Variants in PSMB9 observed in about 807,000 individuals in gnomAD.
PSMB9 encodes proteasome subunit beta type-9.
A neutral mutation model predicts 26.9 loss-of-function variants in PSMB9; 16 were observed. The observed-to-expected ratio is 0.59, with a 90% CI of 0.40 to 0.90. The LOEUF is 0.90. Ranked by LOEUF, PSMB9 falls within the 40% of genes least tolerant of loss-of-function variation. The pLI, the probability that PSMB9 is intolerant of heterozygous loss-of-function variation, is 0.00. For missense variants in PSMB9, 253 were observed against 292.2 expected, an observed-to-expected ratio of 0.87 and a Z score of 0.98; for synonymous variants, 91 against 112.0, an observed-to-expected ratio of 0.81 and a Z score of 1.18.
rs766830686 is a variant in PSMB9 at position 32,857,955 on chromosome 6, A to G, written c.261-50A>G. 1.4e-4 allele frequency: 226 copies of G among 1,609,784 alleles called. 1 individual carries two copies. The highest frequency in any genetic ancestry group is 1.8e-4 in the Non-Finnish European group (207 of 1,177,728). ...GCAGGGATGATGGTAACAGTATAGG[A>G]GAATGAGACTTAAAATTCTATCAAC... On this transcript the variant is annotated intron_variant, in intron 3 of 5. Coordinates refer to ENST00000374859, the MANE Select transcript of PSMB9 (RefSeq NM_002800.5).
chr6:32,856,383 AG>A (rs1771161725), intron 2 of PSMB9, 178 bp downstream of exon 2: 1 of 629,050 alleles, frequency 1.6e-6, no homozygotes, highest in Non-Finnish European at 2.8e-6. Flanking sequence ...GAATTTGTGG[AG>A]GAGGATCTGG....
Position 32,858,907 on chromosome 6 carries a change from C to T in PSMB9, c.532+402C>T. The T allele has an allele frequency of 3.1e-6, 1 of 324,214 alleles. No homozygotes were observed. The highest frequency in any genetic ancestry group is 1.1e-3 in the Middle Eastern group (1 of 940). 20.1% of individuals were successfully genotyped at this position (324,214 alleles called of 1,614,324 possible). On this transcript the variant is annotated intron_variant, in intron 5 of 5. Coordinates refer to ENST00000374859, the MANE Select transcript of PSMB9 (RefSeq NM_002800.5). The surrounding 1 kb of genome is among the most constrained non-coding windows in gnomAD (Gnocchi z 5.2). ...AAAAAAAAGTAAAAAAAAAAATGAA[C>T]TGGGCATAGTGGTGCACACCTGTAG...
intron 3 of PSMB9, chr6:32,857,601 C>T (rs922154880): frequency 2.1e-5 from 12 of 576,794 alleles, no homozygotes; most frequent in South Asian, 5.7e-5. Flanking sequence ...TTGAGAACCA[C>T]ATTCTATATG....
At chr6:32,857,133 A>G in intron 2 of PSMB9, 130 bp from the exon 3 acceptor site, 2 of 1,030,236 alleles carry the variant, frequency 1.9e-6, no homozygotes, top group Non-Finnish European at 2.6e-6. Flanking sequence ...CAGGGAGGCG[A>G]AGTTTGCAGT....
Position 32,858,806 on chromosome 6 carries a change from AG to A in PSMB9, c.532+303del, listed in dbSNP as rs1198436171. On this transcript the variant is annotated intron_variant, in intron 5 of 5. Transcript: ENST00000374859. This position sits in a 1 kb window ranked among gnomAD's most constrained non-coding sequence, Gnocchi z 5.2. ...TGCCAACAATTTGGGAGGCTGAGGC[AG>A]GAGGATTACTTGAGCCCAGGAGTTT... is the stretch of plus-strand genomic sequence containing the variant. 3.2e-5 allele frequency: 15 copies of A among 474,840 alleles called. No homozygotes were observed. The East Asian group carries it at 3.2e-4, about 10-fold the overall frequency. 29.4% of individuals were successfully genotyped at this position (474,840 alleles called of 1,614,324 possible).
Position 32,858,808 on chromosome 6 carries a change from G to C in PSMB9, c.532+303G>C. ...CCAACAATTTGGGAGGCTGAGGCAG[G>C]AGGATTACTTGAGCCCAGGAGTTTG... On this transcript the variant is annotated intron_variant, in intron 5 of 5. Coordinates refer to ENST00000374859, the MANE Select transcript of PSMB9 (RefSeq NM_002800.5). This position sits in a 1 kb window ranked among gnomAD's most constrained non-coding sequence, Gnocchi z 5.2. 2.1e-6 allele frequency: 1 copy of C among 471,234 alleles called. No individual in the cohort carries two copies. The highest frequency in any genetic ancestry group is 3.5e-5 in the Admixed American group (1 of 28,660). 29.2% of individuals were successfully genotyped at this position (471,234 alleles called of 1,614,324 possible). A position where few individuals can be genotyped will look rare whatever the true frequency, so the allele number is the denominator to read the frequency against.
chr6:32,859,706 C>T lies in PSMB9; in HGVS notation c.*174C>T, dbSNP rs542819482. 1.3e-6 allele frequency: 1 copy of T among 741,656 alleles called. No homozygotes were observed. The highest frequency in any genetic ancestry group is 2.3e-5 in the South Asian group (1 of 43,694). The allele number at this position is 741,656 out of a possible 1,614,324, so 45.9% of individuals were successfully genotyped here. A position where few individuals can be genotyped will look rare whatever the true frequency, so the allele number is the denominator to read the frequency against. On this transcript the variant is annotated 3_prime_UTR_variant, in exon 6 of 6. Transcript: ENST00000374859. ...TTTGTCCCAGGTCTAAAACATCTTT[C>T]CTAGAGAAAACAAAAGGGACTAAAC...
chr6:32,858,614 C>G lies in PSMB9; in HGVS notation c.532+109C>G, dbSNP rs75744321. 7.0e-7 allele frequency: 1 copy of G among 1,432,320 alleles called. No homozygotes were observed. The highest frequency in any genetic ancestry group is 9.7e-7 in the Non-Finnish European group (1 of 1,034,228). The allele number at this position is 1,432,320 out of a possible 1,614,324, so 88.7% of individuals were successfully genotyped here. On this transcript the variant is annotated intron_variant, in intron 5 of 5. Coordinates refer to ENST00000374859, the MANE Select transcript of PSMB9 (RefSeq NM_002800.5). The surrounding 1 kb of genome is among the most constrained non-coding windows in gnomAD (Gnocchi z 5.2). ...CAGGGGTGGCCATTTAAGTTAATGC[C>G]GGGCCTGGTACACTTTTAAGAGTGA...
At position 32,854,298 on chromosome 6, in the gene PSMB9, T is replaced by C. The variant is rs763454606; in HGVS notation, c.60+9T>C. On this transcript the variant is annotated intron_variant, in intron 1 of 5. Coordinates refer to ENST00000374859, the MANE Select transcript of PSMB9 (RefSeq NM_002800.5). This position sits in a 1 kb window ranked among gnomAD's most constrained non-coding sequence, Gnocchi z 4.6. ...GAGAAGTCCACACCGGGGTAATGGG[T>C]CTGGGCTTGAGGGTTGGCAGAGGGG... The C allele has an allele frequency of 1.0e-5, 15 of 1,489,376 alleles. No homozygotes were observed. The South Asian group carries it at 2.0e-4, about 20-fold the overall frequency. The allele number at this position is 1,489,376 out of a possible 1,614,324, so 92.3% of individuals were successfully genotyped here. A position where few individuals can be genotyped will look rare whatever the true frequency, so the allele number is the denominator to read the frequency against.
chr6:32,858,093 C>G lies in PSMB9; in HGVS notation c.349C>G (p.His117Asp), dbSNP rs771405794. The change falls in exon 4 of 6, where the codon CAT (histidine) becomes GAT (aspartate). Residue 117 changes from histidine to aspartate, a missense_variant. His to Asp is a moderately conservative substitution (Grantham distance 81). Transcript: ENST00000374859. This position sits in a 1 kb window ranked among gnomAD's most constrained non-coding sequence, Gnocchi z 5.2. ...TAAATATCGAGAGGACTTGTCTGCA[C>G]ATCTCATGGTAGCTGGCTGGGACCA... is the stretch of plus-strand genomic sequence containing the variant. Reference protein sequence around the residue: ...SYKYREDLSAHLMVAGWDQRE... With the variant: ...SYKYREDLSADLMVAGWDQRE... The G allele has an allele frequency of 5.0e-6, 8 of 1,613,000 alleles. No individual in the cohort carries two copies. The highest frequency in any genetic ancestry group is 1.3e-5 in the African/African-American group (1 of 74,932).
intron 2 of PSMB9, chr6:32,856,410 G>A (rs2071535): frequency 0.017 from 10,168 of 599,986 alleles, 352 homozygotes; most frequent in East Asian, 0.083. Flanking sequence ...GAATGTGTAT[G>A]TGACCTGTCC....
At chr6:32,857,532 T>A in intron 3 of PSMB9, 138 bp downstream of exon 3, 1 of 1,064,936 alleles carries the variant, frequency 9.4e-7, no homozygotes, top group Non-Finnish European at 1.3e-6. Context: ...GGCACTTGAA[T>A]CTGTCAGTTT....
chr6:32,857,936 A>G, intron 3 of PSMB9, 69 bp from the exon 4 acceptor site: 1 of 1,588,616 alleles, frequency 6.3e-7, no homozygotes, highest in Non-Finnish European at 8.6e-7. Flanking sequence ...TTTAGCAGGG[A>G]TGATGGTAAC....
At position 32,856,052 on chromosome 6, in the gene PSMB9, G is replaced by A. The variant is rs145605746; in HGVS notation, c.61-86G>A. ...GTGTAATCTTTGAGCCAGTCACTTC[G>A]CCTCTCTGGGAATGTTTCTTCTTCT... On this transcript the variant is annotated intron_variant, in intron 1 of 5. Transcript: ENST00000374859. 340 of 1,235,024 alleles carry A rather than the reference G, an allele frequency of 2.8e-4. 2 individuals carry two copies. Among genetic ancestry groups the A allele is most frequent in the Non-Finnish European group, 1.8e-5 (15 of 855,128 alleles). 76.5% of individuals were successfully genotyped at this position (1,235,024 alleles called of 1,614,324 possible).
At chr6:32,857,909 A>G (rs1015005599) in intron 3 of PSMB9, 96 bp from the exon 4 acceptor site, 13 of 1,453,942 alleles carry the variant, frequency 8.9e-6, no homozygotes, top group African/African-American at 1.4e-5. Context: ...TATTGCAGTT[A>G]CAGTTTTCAG....
Position 32,857,371 on chromosome 6 carries a change from C to T in PSMB9, c.237C>T (p.Ala79=), listed in dbSNP as rs556765924. 30 of 1,612,532 alleles carry T rather than the reference C, an allele frequency of 1.9e-5. No individual in the cohort carries two copies. The South Asian group carries it at 3.0e-4, about 16-fold the overall frequency. Residue 79 remains alanine (A), a synonymous_variant, in exon 3 of 6, where the codon GCC becomes GCT. Transcript: ENST00000374859. Reference sequence around the variant, plus strand: ...ATGCCCAAGCCGTGGCCGACATGGCCGCCTACCAGCTGGAGCTCCATGGGT... The same window carrying T: ...ATGCCCAAGCCGTGGCCGACATGGCTGCCTACCAGCTGGAGCTCCATGGGT... The part of the protein sequence containing the change: ...AADAQAVADM[A]AYQLELHGIE...
rs1297959962 is a variant in PSMB9, at chr6:32,859,451, C to G, written c.579C>G (p.Ile193Met). 1 of 1,613,776 alleles carries G rather than the reference C, an allele frequency of 6.2e-7. No homozygotes were observed. Among genetic ancestry groups the G allele is most frequent in the South Asian group, 1.1e-5 (1 of 90,894 alleles). ...GGGATGGCTCAAGCGGGGGTGTCAT[C>G]TACCTGGTCACTATTACAGCTGCCG... is the stretch of plus-strand genomic sequence containing the variant. ...MSRDGSSGGV[I>M]YLVTITAAGV... The change falls in exon 6 of 6, where the codon ATC becomes ATG. Residue 193 changes from isoleucine (I) to methionine (M), a missense_variant. By Grantham distance (10) the Ile-to-Met change is conservative. Transcript: ENST00000374859.
At position 32,858,123 on chromosome 6, in the gene PSMB9, G is replaced by T; in HGVS notation, c.379G>T (p.Glu127Ter). 1 of 1,613,090 alleles carries T rather than the reference G, an allele frequency of 6.2e-7. No homozygotes were observed. The highest frequency in any genetic ancestry group is 8.5e-7 in the Non-Finnish European group (1 of 1,180,022). ...CATGGTAGCTGGCTGGGACCAACGT[G>T]AAGGAGGTCAGGTGAGTTTCTCCCA... is the stretch of plus-strand genomic sequence containing the variant. The part of the protein sequence containing the change: ...HLMVAGWDQR[E>*]GGQVYGTLGG... Residue 127 changes from glutamate to a stop codon, truncating the protein, a stop_gained, in exon 4 of 6, where the codon GAA (glutamate) becomes TAA (stop). Transcript: ENST00000374859. LOFTEE classifies it high-confidence loss of function. The surrounding 1 kb of genome is among the most constrained non-coding windows in gnomAD (Gnocchi z 5.2).
Position 32,854,320 on chromosome 6 carries a change from G to A in PSMB9, c.60+31G>A. 6.9e-7 allele frequency: 1 copy of A among 1,447,506 alleles called. No individual in the cohort carries two copies. The allele number at this position is 1,447,506 out of a possible 1,614,324, so 89.7% of individuals were successfully genotyped here. A position where few individuals can be genotyped will look rare whatever the true frequency, so the allele number is the denominator to read the frequency against. On this transcript the variant is annotated intron_variant, in intron 1 of 5. Coordinates refer to ENST00000374859, the MANE Select transcript of PSMB9 (RefSeq NM_002800.5). This position sits in a 1 kb window ranked among gnomAD's most constrained non-coding sequence, Gnocchi z 4.6. ...GGGTCTGGGCTTGAGGGTTGGCAGA[G>A]GGGTGGAGGAGATGCAGCGGCCAGG...
Sources: gnomAD v4.1 joint callset for allele counts on GRCh38, gnomAD v4.1.1 for gene constraint, Gnocchi (gnomAD v3.1) non-coding constraint, MANE v1.5 for transcripts, NCBI Gene and HGNC (gene_info 2026-07-23, HGNC 2026-07-21) for gene names.